ANKIB1: variants seen among roughly 807,000 people sequenced by gnomAD.
The protein encoded by ANKIB1 is ankyrin repeat and IBR domain containing 1.
In ANKIB1, 43 loss-of-function variants were observed where a neutral mutation model predicts 122.1. That is an observed-to-expected ratio of 0.35 (90% CI 0.28 to 0.45). The LOEUF (loss-of-function observed/expected upper bound fraction) is 0.45. ANKIB1 is among the 20% of genes least tolerant of loss of function. The probability of loss-of-function intolerance (pLI) is 1.00; values close to 1 mark genes in which losing one functional copy is unlikely to be tolerated. For missense variants in ANKIB1, 992 were observed against 1,329.5 expected (o/e 0.75, Z 3.95); for synonymous variants, 390 against 442.0 (o/e 0.88, Z 1.48).
intron 17 of ANKIB1, among the ~76,000 whole-genome samples, chr7:92,393,398 G>A (rs1804826454): frequency 6.6e-6 from 1 of 151,900 alleles, no homozygotes; most frequent in Non-Finnish European, 1.5e-5. Flanking sequence ...ACCTTTATCT[G>A]ATCCTGTATT....
intron 1 of ANKIB1, among the ~76,000 whole-genome samples, chr7:92,279,907 G>C (rs148517145): frequency 4.6e-5 from 7 of 152,058 alleles, no homozygotes; most frequent in African/African-American, 1.7e-4. Flanking sequence ...CACACATCAG[G>C]GTGAAAAATT....
intron 10 of ANKIB1, among the ~76,000 whole-genome samples, chr7:92,363,095 G>A (rs1803987879): frequency 6.6e-6 from 1 of 151,504 alleles, no homozygotes; most frequent in Non-Finnish European, 1.5e-5. Context: ...AGCTTGAGAT[G>A]TCACAAGTCA....
intron 9 of ANKIB1, among the ~76,000 whole-genome samples, chr7:92,359,318 ATTGT>A (rs1386942250): frequency 1.3e-5 from 2 of 152,142 alleles, no homozygotes; most frequent in East Asian, 3.9e-4. Flanking sequence ...GAGAACATGC[ATTGT>A]TTGGTTTTCT....
chr7:92,250,551 C>T (rs556174414), intron 1 of ANKIB1, among the ~76,000 whole-genome samples: 17 of 152,228 alleles, frequency 1.1e-4, no homozygotes, highest in South Asian at 8.3e-4. Context: ...AGTTCTACAA[C>T]GGGACCACAA....
chr7:92,250,520 T>G (rs991661271), intron 1 of ANKIB1, among the ~76,000 whole-genome samples: 1 of 152,250 alleles, frequency 6.6e-6, no homozygotes, highest in Non-Finnish European at 1.5e-5. Flanking sequence ...TCTTCAGGCA[T>G]GTTTACCTTT....
chr7:92,379,804 C>T (rs1237502769), intron 11 of ANKIB1, among the ~76,000 whole-genome samples: 1 of 152,094 alleles, frequency 6.6e-6, no homozygotes, highest in Non-Finnish European at 1.5e-5. Context: ...ATAGGAACAG[C>T]CCCAGTCTGT....
intron 1 of ANKIB1, among the ~76,000 whole-genome samples, chr7:92,276,298 C>T (rs1349187306): frequency 1.3e-5 from 2 of 152,150 alleles, no homozygotes; most frequent in East Asian, 3.8e-4. Context: ...TTTGTGTTTC[C>T]AAACTCATTT....
intron 3 of ANKIB1, among the ~76,000 whole-genome samples, chr7:92,314,069 G>T (rs1023606818): frequency 6.6e-6 from 1 of 152,026 alleles, no homozygotes; most frequent in Non-Finnish European, 1.5e-5. Context: ...TGGCCGAGGC[G>T]GGAGCGTATC....
chr7:92,370,177 G>A (rs1391534804), intron 10 of ANKIB1, among the ~76,000 whole-genome samples: 2 of 152,034 alleles, frequency 1.3e-5, no homozygotes, highest in African/African-American at 2.4e-5. Flanking sequence ...ATCACTGTGG[G>A]ATGGGTGGCT....
intron 10 of ANKIB1, among the ~76,000 whole-genome samples, chr7:92,368,028 T>C (rs578100078): frequency 6.6e-6 from 1 of 152,214 alleles, no homozygotes; most frequent in African/African-American, 2.4e-5. Context: ...TTGTGGCACA[T>C]GCCTGTAGTC....
intron 6 of ANKIB1, among the ~76,000 whole-genome samples, chr7:92,344,494 C>T (rs1272566600): frequency 6.6e-6 from 1 of 151,962 alleles, no homozygotes; most frequent in Non-Finnish European, 1.5e-5. Context: ...TGTGAGCCAC[C>T]GCGCCCGGCC....
intron 11 of ANKIB1, among the ~76,000 whole-genome samples, chr7:92,376,356 C>CT: frequency 6.6e-6 from 1 of 152,288 alleles, no homozygotes; most frequent in Non-Finnish European, 1.5e-5. Flanking sequence ...AATGTAGCCA[C>CT]TTTCATCAAT....
chr7:92,372,195 C>T (rs1240518151), intron 11 of ANKIB1, among the ~76,000 whole-genome samples: 2 of 152,046 alleles, frequency 1.3e-5, no homozygotes, highest in South Asian at 2.1e-4. Context: ...ATTCAGCCAA[C>T]CACAGATCAA....
chr7:92,327,735 T>TC, intron 4 of ANKIB1, 48 bp from the exon 5 acceptor site: 1 of 996,678 alleles, frequency 1.0e-6, no homozygotes. Context: ...TTTGATAACT[T>TC]CCTATGAGTA....
At chr7:92,269,573 A>G (rs796127962) in intron 1 of ANKIB1, among the ~76,000 whole-genome samples, 17 of 152,324 alleles carry the variant, frequency 1.1e-4, no homozygotes, top group African/African-American at 3.8e-4. Context: ...TCCTGTTAAC[A>G]AACATTTTAT....
chr7:92,372,237 C>T (rs1029782560), intron 11 of ANKIB1, among the ~76,000 whole-genome samples: 1 of 151,962 alleles, frequency 6.6e-6, no homozygotes, highest in Non-Finnish European at 1.5e-5. Context: ...GCATCTGTAT[C>T]GAACATGTAC....
chr7:92,287,815 C>A (rs1415338551), intron 1 of ANKIB1, among the ~76,000 whole-genome samples: 1 of 152,000 alleles, frequency 6.6e-6, no homozygotes, highest in African/African-American at 2.4e-5. Flanking sequence ...GTGGGCAGAT[C>A]ATGAGGTCAA....
chr7:92,294,399 A>T (rs1802311220), intron 1 of ANKIB1: 1 of 152,466 alleles, frequency 6.6e-6, no homozygotes, highest in Non-Finnish European at 1.5e-5. Context: ...CTTTTCTGTG[A>T]TGTCCTCATA....
At chr7:92,395,078 C>T (rs1423219502) in intron 17 of ANKIB1, among the ~76,000 whole-genome samples, 1 of 152,156 alleles carries the variant, frequency 6.6e-6, no homozygotes, top group East Asian at 1.9e-4. Flanking sequence ...TCTAAATTAG[C>T]CTTTTTATGT....
Sources: gnomAD v4.1 joint callset for allele counts (sites outside exome capture counted in the v4.1 genomes callset) on GRCh38, gnomAD v4.1.1 for gene constraint, MANE v1.5 for transcripts, NCBI Gene and HGNC (gene_info 2026-07-23, HGNC 2026-07-21) for gene names.